The following RETREG1 variants were observed in gnomAD, a reference collection of about 807,000 sequenced individuals.
The protein encoded by RETREG1 is reticulophagy regulator 1.
In RETREG1, 44 loss-of-function variants were observed where a neutral mutation model predicts 54.8. The observed-to-expected ratio is 0.80, with a 90% confidence interval of 0.63 to 1.03. The LOEUF (loss-of-function observed/expected upper bound fraction) is 1.03, where lower values mean the gene tolerates loss of function less well. RETREG1 is among the 50% of genes least tolerant of loss of function. The pLI, the probability that RETREG1 is intolerant of heterozygous loss-of-function variation, is 0.00. For missense variants in RETREG1, 554 were observed against 605.1 expected, an observed-to-expected ratio of 0.92 and a Z score of 0.89; for synonymous variants, 217 against 238.5, an observed-to-expected ratio of 0.91 and a Z score of 0.83.
At chr5:16,544,570 G>A (rs1741338750) in intron 3 of RETREG1, among the ~76,000 whole-genome samples, 1 of 152,182 alleles carries the variant, frequency 6.6e-6, no homozygotes, top group South Asian at 2.1e-4. Flanking sequence ...TTAGGCCCAT[G>A]TTCCCTTTTG....
chr5:16,535,290 G>A (rs1741025862), intron 3 of RETREG1, among the ~76,000 whole-genome samples: 1 of 152,246 alleles, frequency 6.6e-6, no homozygotes. Flanking sequence ...TACCACATGT[G>A]AAGAGAGCCC....
chr5:16,611,458 G>A (rs537408359), intron 1 of RETREG1, among the ~76,000 whole-genome samples: 6 of 152,076 alleles, frequency 3.9e-5, no homozygotes, highest in South Asian at 4.2e-4. Flanking sequence ...CCCAAAAGAG[G>A]AGCTGCATCA....
chr5:16,547,212 C>T (rs970852791), intron 3 of RETREG1, among the ~76,000 whole-genome samples: 2 of 152,162 alleles, frequency 1.3e-5, no homozygotes. Flanking sequence ...TGTCAGAGAC[C>T]GACAGGGTGA....
At chr5:16,516,073 A>C (rs1415290342) in intron 3 of RETREG1, among the ~76,000 whole-genome samples, 1 of 152,134 alleles carries the variant, frequency 6.6e-6, no homozygotes, top group Non-Finnish European at 1.5e-5. Context: ...CAAAAAAAAA[A>C]AAAAAAGTGC....
intron 3 of RETREG1, among the ~76,000 whole-genome samples, chr5:16,511,798 G>A (rs557347504): frequency 3.9e-5 from 6 of 152,270 alleles, no homozygotes; most frequent in African/African-American, 1.2e-4. Context: ...CATGGTGGAG[G>A]GGGAAGGGAG....
chr5:16,481,394 C>T (rs1738768441), intron 4 of RETREG1, among the ~76,000 whole-genome samples: 1 of 152,088 alleles, frequency 6.6e-6, no homozygotes, highest in Non-Finnish European at 1.5e-5. Context: ...CTGCCAGGTG[C>T]AAGAGAACAG....
chr5:16,476,607 G>C (rs1410053911), intron 8 of RETREG1, among the ~76,000 whole-genome samples: 2 of 152,156 alleles, frequency 1.3e-5, no homozygotes, highest in Non-Finnish European at 2.9e-5. Context: ...GCAAGGACAT[G>C]GATGGAGCTG....
chr5:16,562,952 T>C (rs1183118577), intron 3 of RETREG1, among the ~76,000 whole-genome samples: 1 of 151,840 alleles, frequency 6.6e-6, no homozygotes, highest in African/African-American at 2.4e-5. Flanking sequence ...TCATTGATTG[T>C]ACCACACCAA....
intron 3 of RETREG1, among the ~76,000 whole-genome samples, chr5:16,529,243 C>G (rs1451059441): frequency 6.6e-6 from 1 of 152,138 alleles, no homozygotes; most frequent in Non-Finnish European, 1.5e-5. Context: ...TTACTTAAGA[C>G]TATTTAATAT....
At chr5:16,591,861 GATA>G (rs532543758) in intron 1 of RETREG1, among the ~76,000 whole-genome samples, 277 of 152,288 alleles carry the variant, frequency 1.8e-3, no homozygotes, top group African/African-American at 6.2e-3. Flanking sequence ...TAAAAGAATA[GATA>G]ATAAGGGAAG....
At chr5:16,564,566 C>T (rs187405067) in intron 3 of RETREG1, among the ~76,000 whole-genome samples, 9 of 152,306 alleles carry the variant, frequency 5.9e-5, no homozygotes, top group Admixed American at 1.3e-4. Flanking sequence ...AGAACCTTAA[C>T]CTGCCTATGC....
chr5:16,546,239 C>T (rs1001137897), intron 3 of RETREG1, among the ~76,000 whole-genome samples: 2 of 152,160 alleles, frequency 1.3e-5, no homozygotes, highest in African/African-American at 4.8e-5. Flanking sequence ...ATAAACACAG[C>T]TCACTGCAGC....
intron 3 of RETREG1, among the ~76,000 whole-genome samples, chr5:16,556,353 G>A (rs946343957): frequency 6.6e-6 from 1 of 151,872 alleles, no homozygotes. Context: ...GTAGAGACGG[G>A]GTTTCACTGT....
chr5:16,606,665 A>C (rs1264511923), intron 1 of RETREG1, among the ~76,000 whole-genome samples: 1 of 151,750 alleles, frequency 6.6e-6, no homozygotes, highest in Non-Finnish European at 1.5e-5. Flanking sequence ...CCCCCTACCC[A>C]CCAAATCATT....
intron 1 of RETREG1, among the ~76,000 whole-genome samples, chr5:16,595,327 TAATAGCTACAG>T (rs1184779523): frequency 6.6e-6 from 1 of 152,226 alleles, no homozygotes; most frequent in African/African-American, 2.4e-5. Flanking sequence ...GTATTATGTT[TAATAGCTACAG>T]AAGAGCTTAA....
At chr5:16,535,366 T>C (rs1300855713) in intron 3 of RETREG1, among the ~76,000 whole-genome samples, 2 of 151,846 alleles carry the variant, frequency 1.3e-5, no homozygotes, top group Non-Finnish European at 2.9e-5. Context: ...CTGGAGCTCC[T>C]GCGTGCATGG....
chr5:16,609,332 CT>C (rs1743276654), intron 1 of RETREG1, among the ~76,000 whole-genome samples: 1 of 152,150 alleles, frequency 6.6e-6, no homozygotes, highest in South Asian at 2.1e-4. Context: ...TTTATCATAA[CT>C]TTAGTAAAGT....
At chr5:16,589,572 G>A (rs1742704881) in intron 1 of RETREG1, among the ~76,000 whole-genome samples, 2 of 152,102 alleles carry the variant, frequency 1.3e-5, no homozygotes, top group Admixed American at 6.5e-5. Context: ...CACCATGTTG[G>A]TCAAACTGGT....
intron 7 of RETREG1, 119 bp downstream of exon 7, chr5:16,477,915 C>G: frequency 7.2e-7 from 1 of 1,391,856 alleles, no homozygotes; most frequent in South Asian, 1.2e-5. Flanking sequence ...ATTTTGAAAT[C>G]ATTCAGTCAT....
Sources: gnomAD v4.1 joint callset for allele counts (sites outside exome capture counted in the v4.1 genomes callset) on GRCh38, gnomAD v4.1.1 for gene constraint, MANE v1.5 for transcripts, NCBI Gene and HGNC (gene_info 2026-07-23, HGNC 2026-07-21) for gene names.